FAM168A: variants seen among roughly 807,000 people sequenced by gnomAD.
FAM168A encodes the protein family with sequence similarity 168 member A.
In FAM168A, 3 loss-of-function variants were observed where a neutral mutation model predicts 28.5. The ratio of observed to expected loss-of-function variants is 0.11; its 90% CI spans 0.05 to 0.27. The LOEUF is 0.27. FAM168A is among the 10% of genes least tolerant of loss of function. The pLI, the probability that FAM168A is intolerant of heterozygous loss-of-function variation, is 1.00. For missense variants in FAM168A, 222 were observed against 311.5 expected, an observed-to-expected ratio of 0.71 and a Z score of 2.16; for synonymous variants, 122 against 124.2, an observed-to-expected ratio of 0.98 and a Z score of 0.12.
In FAM168A at chr11:73,405,782, G is replaced by A. The variant is rs1223097189; in HGVS notation, c.*981C>T. 6.6e-6 allele frequency: 1 copy of A among 152,214 alleles called. No homozygotes were observed. Among genetic ancestry groups the A allele is most frequent in the Non-Finnish European group, 1.5e-5 (1 of 68,044 alleles). The allele number at this position is 152,214 out of a possible 1,614,324, so 9.4% of individuals were successfully genotyped here. A position where few individuals can be genotyped will look rare whatever the true frequency, so the allele number is the denominator to read the frequency against. Reference sequence around the variant, plus strand: ...AGTCCTGGCACTGGGAAGGGCAAAAGAAAAGGGAGAGAAATGCCCTAGGTT... The same window carrying A: ...AGTCCTGGCACTGGGAAGGGCAAAAAAAAAGGGAGAGAAATGCCCTAGGTT... On this transcript the variant is annotated 3_prime_UTR_variant, in exon 8 of 8. Transcript: ENST00000356467.
intron 2 of FAM168A, among the ~76,000 whole-genome samples, chr11:73,451,660 T>C (rs934341653): frequency 5.9e-5 from 9 of 152,258 alleles, no homozygotes; most frequent in South Asian, 2.1e-4. Flanking sequence ...GTGTTACAAT[T>C]GCCTACATTA....
chr11:73,545,027 A>ATAATATATTATAT (rs57233496), intron 1 of FAM168A, among the ~76,000 whole-genome samples: 1 of 77,444 alleles, frequency 1.3e-5, no homozygotes, highest in African/African-American at 1.2e-4. Flanking sequence ...TAGTATATAT[A>ATAATATATTATAT]ATATATATAT....
intron 1 of FAM168A, among the ~76,000 whole-genome samples, chr11:73,503,985 TC>T (rs1855061430): frequency 6.6e-6 from 1 of 152,028 alleles, no homozygotes; most frequent in Non-Finnish European, 1.5e-5. Flanking sequence ...CTTCCTTACA[TC>T]TCATACAAAA....
chr11:73,573,069 T>C (rs1305002794), intron 1 of FAM168A, among the ~76,000 whole-genome samples: 1 of 152,178 alleles, frequency 6.6e-6, no homozygotes, highest in East Asian at 1.9e-4. Flanking sequence ...CCAGCCACCA[T>C]CTGCACCTCT....
rs551299008 is a variant in FAM168A at position 73,464,877 on chromosome 11, T to A, written c.70+3528A>T. Reference sequence around the variant, plus strand: ...ACCCTGTTTTATCATTTTTTTTTTTTAAAACAAATGATAGATTGAGGCCCA... The same window carrying A: ...ACCCTGTTTTATCATTTTTTTTTTTAAAAACAAATGATAGATTGAGGCCCA... On this transcript the variant is annotated intron_variant, in intron 2 of 7. Transcript: ENST00000356467. Among the ~76,000 whole-genome samples the A allele has an allele frequency of 5.2e-4, 78 of 151,156 alleles. 1 individual carries two copies. The East Asian group carries it at 0.01, about 20-fold the overall frequency.
rs771032326 is a variant in FAM168A, at chr11:73,407,488, C to T, written c.*18+25G>A. On this transcript the variant is annotated intron_variant, in intron 7 of 7. Coordinates refer to ENST00000356467, the MANE Select transcript of FAM168A (RefSeq NM_015159.3). The stretch of plus-strand genomic sequence containing the variant: ...AGTTCCTGTATGTATCCCCCTCCCA[C>T]TTCTCTCACCCTGGCCACACTCACT... The T allele has an allele frequency of 1.2e-5, 18 of 1,497,572 alleles. No homozygotes were observed. The South Asian group carries it at 1.7e-4, about 14-fold the overall frequency. 92.8% of individuals were successfully genotyped at this position (1,497,572 alleles called of 1,614,324 possible). A position where few individuals can be genotyped will look rare whatever the true frequency, so the allele number is the denominator to read the frequency against.
chr11:73,541,431 G>A (rs1006430509), intron 1 of FAM168A, among the ~76,000 whole-genome samples: 1 of 150,266 alleles, frequency 6.7e-6, no homozygotes, highest in Non-Finnish European at 1.5e-5. Context: ...GGAGTGCAGT[G>A]GCATGATCTT....
intron 2 of FAM168A, among the ~76,000 whole-genome samples, chr11:73,465,502 G>C (rs1867721014): frequency 6.6e-6 from 1 of 152,134 alleles, no homozygotes; most frequent in African/African-American, 2.4e-5. Context: ...CAAAATACCA[G>C]ACTGGGTGGC....
At chr11:73,575,834 A>C (rs1279440870) in intron 1 of FAM168A, among the ~76,000 whole-genome samples, 1 of 151,940 alleles carries the variant, frequency 6.6e-6, no homozygotes, top group Admixed American at 6.6e-5. Context: ...GTGCCACTGC[A>C]CTCCAGCCTG....
rs905285607 is a variant in FAM168A at position 73,401,104 on chromosome 11, ATTATTATT to A, written c.*5651_*5658del. Reference sequence around the variant, plus strand: ...GTTTATTATTATTATTATTATTATTATTATTATTTTAAATTTTATTTCTTTTTAAAATG... The same window carrying A: ...GTTTATTATTATTATTATTATTATTATTAAATTTTATTTCTTTTTAAAATG... On this transcript the variant is annotated 3_prime_UTR_variant, in exon 8 of 8. Transcript: ENST00000356467. 2.0e-5 allele frequency: 3 copies of A among 149,210 alleles called. No individual in the cohort carries two copies. The highest frequency in any genetic ancestry group is 4.5e-5 in the Non-Finnish European group (3 of 67,376). The allele number at this position is 149,210 out of a possible 1,614,324, so 9.2% of individuals were successfully genotyped here. A position where few individuals can be genotyped will look rare whatever the true frequency, so the allele number is the denominator to read the frequency against.
intron 2 of FAM168A, among the ~76,000 whole-genome samples, chr11:73,459,232 T>C (rs1319701720): frequency 6.6e-6 from 1 of 152,028 alleles, no homozygotes; most frequent in Non-Finnish European, 1.5e-5. Flanking sequence ...AACAGGCATG[T>C]GCCACCATGT....
intron 1 of FAM168A, among the ~76,000 whole-genome samples, chr11:73,573,894 G>A (rs1565304643): frequency 6.6e-6 from 1 of 152,148 alleles, no homozygotes; most frequent in South Asian, 2.1e-4. Flanking sequence ...GTTCCACGCT[G>A]CAGTAAGCTA....
chr11:73,464,889 T>C (rs971095776), intron 2 of FAM168A, among the ~76,000 whole-genome samples: 6 of 151,274 alleles, frequency 4.0e-5, no homozygotes, highest in Admixed American at 6.6e-5. Context: ...AAACAAATGA[T>C]AGATTGAGGC....
At chr11:73,532,893 C>T (rs1943531464) in intron 1 of FAM168A, among the ~76,000 whole-genome samples, 2 of 152,222 alleles carry the variant, frequency 1.3e-5, no homozygotes, top group African/African-American at 4.8e-5. Flanking sequence ...GTCATTTAAT[C>T]TCTCTGAACT....
At chr11:73,582,959 C>T (rs115215568) in intron 1 of FAM168A, among the ~76,000 whole-genome samples, 2,028 of 152,222 alleles carry the variant, frequency 0.013, 45 homozygotes, top group African/African-American at 0.045. Context: ...GTAGAGACAA[C>T]ACAACGGGCA....
At chr11:73,498,141 G>A (rs1463184496) in intron 1 of FAM168A, among the ~76,000 whole-genome samples, 1 of 152,162 alleles carries the variant, frequency 6.6e-6, no homozygotes, top group Non-Finnish European at 1.5e-5. Flanking sequence ...CCAACTAGAA[G>A]CAGTGGCGTT....
chr11:73,506,963 TAA>T (rs1855127765), intron 1 of FAM168A, among the ~76,000 whole-genome samples: 2 of 152,206 alleles, frequency 1.3e-5, no homozygotes, highest in Non-Finnish European at 2.9e-5. Context: ...AACTTGACTC[TAA>T]GATTCTGTAG....
At chr11:73,420,128 A>AT in intron 3 of FAM168A, 129 bp from the exon 4 acceptor site, 6 of 1,054,346 alleles carry the variant, frequency 5.7e-6, no homozygotes, top group Non-Finnish European at 8.1e-6. Context: ...GACACATGGG[A>AT]TGGTCAGCCT....
chr11:73,530,053 CCAGGATTA>C (rs1248311006), intron 1 of FAM168A, among the ~76,000 whole-genome samples: 1 of 151,982 alleles, frequency 6.6e-6, no homozygotes, highest in Non-Finnish European at 1.5e-5. Context: ...TCCCAAAGTG[CCAGGATTA>C]CAGGCATGAG....
Sources: allele counts gnomAD v4.1 joint callset (sites outside exome capture counted in the v4.1 genomes callset), GRCh38; gene constraint gnomAD v4.1.1; transcripts MANE v1.5; gene names NCBI Gene and HGNC (gene_info 2026-07-23, HGNC 2026-07-21).